ANK3: variants seen among roughly 807,000 people sequenced by gnomAD.
ANK3 encodes the protein ankyrin-3.
In ANK3, 57 loss-of-function variants were observed where a neutral mutation model predicts 370.9. The observed-to-expected ratio is 0.15, with a 90% confidence interval of 0.12 to 0.19. The LOEUF is 0.19. ANK3 is among the 10% of genes least tolerant of loss of function. The pLI is 1.00. For synonymous variants in ANK3, 1,929 were observed against 1,946.3 expected (o/e 0.99, Z 0.23); for missense variants, 4,439 against 5,302.1 (o/e 0.84, Z 5.06).
rs144201577 is a variant in ANK3, at chr10:60,578,089, T to C, written c.96+37097A>G. Among the ~76,000 whole-genome samples the C allele has an allele frequency of 7.2e-5, 11 of 152,364 alleles. No individual in the cohort carries two copies. In the East Asian group the frequency reaches 1.9e-3, roughly 27 times the overall value. ...TGGTTTTGATACACTAGATTCATTT[T>C]TGACAATGCATTGAACACTTCAACC... is the stretch of plus-strand genomic sequence containing the variant. On this transcript the variant is annotated intron_variant, in intron 2 of 43. Transcript: ENST00000373827.
rs1239976989 is a variant in ANK3, at chr10:60,063,272, A to T, written c.12452-18T>A. 2 of 1,598,166 alleles carry T rather than the reference A, an allele frequency of 1.3e-6. No individual in the cohort carries two copies. The highest frequency in any genetic ancestry group is 1.7e-6 in the Non-Finnish European group (2 of 1,173,688). ...GGCATCAGCTGAAAAGGAGAAAAAA[A>T]GGTTGAAAACCCAATTAAATTATGT... is the stretch of plus-strand genomic sequence containing the variant. On this transcript the variant is annotated intron_variant, in intron 39 of 43. Coordinates refer to ENST00000280772, the MANE Select transcript of ANK3 (RefSeq NM_020987.5).
At chr10:60,453,069 T>C (rs2064652444) in intron 2 of ANK3, among the ~76,000 whole-genome samples, 1 of 152,196 alleles carries the variant, frequency 6.6e-6, no homozygotes, top group South Asian at 2.1e-4. Flanking sequence ...AAATGATCTC[T>C]AGGGGAAGTT....
At chr10:60,197,274 G>C (rs2096601635) in intron 14 of ANK3, among the ~76,000 whole-genome samples, 1 of 152,132 alleles carries the variant, frequency 6.6e-6, no homozygotes, top group East Asian at 1.9e-4. Flanking sequence ...AATGACACAT[G>C]GACAAATATG....
At chr10:60,642,725 C>A (rs924906413) in intron 1 of ANK3, among the ~76,000 whole-genome samples, 3 of 151,886 alleles carry the variant, frequency 2.0e-5, no homozygotes, top group Non-Finnish European at 4.4e-5. Context: ...ACATGTATAC[C>A]TATGTAACTA....
intron 2 of ANK3, among the ~76,000 whole-genome samples, chr10:60,399,437 C>G (rs1239215908): frequency 6.6e-6 from 1 of 152,110 alleles, no homozygotes; most frequent in African/African-American, 2.4e-5. Context: ...AGGGAAGGGC[C>G]AGATGGTTTT....
chr10:60,665,191 G>C (rs543031937), intron 1 of ANK3, among the ~76,000 whole-genome samples: 1 of 151,838 alleles, frequency 6.6e-6, no homozygotes, highest in South Asian at 2.1e-4. Context: ...GAACACTGGG[G>C]GCACAAAACA....
chr10:60,211,925 A>G (rs7074339), intron 9 of ANK3, among the ~76,000 whole-genome samples: 1 of 150,818 alleles, frequency 6.6e-6, no homozygotes, highest in Non-Finnish European at 1.5e-5. Flanking sequence ...GAAAAAAAGG[A>G]AATCTGAGGA....
chr10:60,636,145 A>G (rs952139170), intron 1 of ANK3, among the ~76,000 whole-genome samples: 2 of 152,220 alleles, frequency 1.3e-5, no homozygotes, highest in African/African-American at 2.4e-5. Context: ...AATTTAAATC[A>G]TTACATAATA....
At chr10:60,413,840 GA>G (rs1229045290) in intron 2 of ANK3, among the ~76,000 whole-genome samples, 1 of 151,736 alleles carries the variant, frequency 6.6e-6, no homozygotes. Flanking sequence ...ACAAAAAAAT[GA>G]AAAAAATTAG....
Position 60,074,968 on chromosome 10 carries a change from T to G in ANK3, c.5913A>C (p.Lys1971Asn). 1 of 1,613,988 alleles carries G rather than the reference T, an allele frequency of 6.2e-7. No homozygotes were observed. The highest frequency in any genetic ancestry group is 8.5e-7 in the Non-Finnish European group (1 of 1,179,956). ...ILKKDVCVDN[K>N]GSPKSPKSDK... ...CACTCTTTGGTGATTTGGGTGATCC[T>G]TTATTATCTACACATACATCCTTTT... The change falls in exon 37 of 44, where the codon AAA (lysine) becomes AAC (asparagine). Residue 1971 changes from lysine (K) to asparagine (N), a missense_variant. Transcript: ENST00000280772.
At chr10:60,126,242 CAGAG>C (rs960718147) in intron 25 of ANK3, among the ~76,000 whole-genome samples, 3 of 152,190 alleles carry the variant, frequency 2.0e-5, no homozygotes, top group African/African-American at 4.8e-5. Flanking sequence ...GAAATCTACT[CAGAG>C]AGAGAACAGG....
At chr10:60,213,279 A>G (rs1015163463) in intron 9 of ANK3, 133 bp downstream of exon 9, 17 of 554,880 alleles carry the variant, frequency 3.1e-5, no homozygotes, top group Non-Finnish European at 3.1e-6. Flanking sequence ...CTGAGGTTCT[A>G]TAAAGATCTG....
chr10:60,727,825 T>C (rs1297611672), intron 1 of ANK3, among the ~76,000 whole-genome samples: 1 of 152,192 alleles, frequency 6.6e-6, no homozygotes, highest in Non-Finnish European at 1.5e-5. Context: ...GCCCTTTCCC[T>C]ACTTAAAAGT....
chr10:60,089,039 A>C (rs1330762301), intron 28 of ANK3, among the ~76,000 whole-genome samples: 1 of 152,198 alleles, frequency 6.6e-6, no homozygotes, highest in Non-Finnish European at 1.5e-5. Flanking sequence ...AAGAAAGTGA[A>C]TAAGAACTTA....
At chr10:60,031,988 G>A (rs920575941) in intron 43 of ANK3, among the ~76,000 whole-genome samples, 5 of 151,828 alleles carry the variant, frequency 3.3e-5, no homozygotes, top group African/African-American at 9.7e-5. Context: ...TGCAGAGGGT[G>A]GGCAAATCAG....
chr10:60,226,286 C>T (rs1262388521), intron 8 of ANK3, among the ~76,000 whole-genome samples: 1 of 106,960 alleles, frequency 9.3e-6, no homozygotes, highest in Non-Finnish European at 1.8e-5. Flanking sequence ...TGTATATATG[C>T]TATATTATAT....
intron 1 of ANK3, among the ~76,000 whole-genome samples, chr10:60,300,102 T>C (rs987636677): frequency 2.0e-5 from 3 of 152,118 alleles, no homozygotes; most frequent in Admixed American, 2.0e-4. Flanking sequence ...CACTCCAAAT[T>C]ACATCACAGG....
intron 9 of ANK3, among the ~76,000 whole-genome samples, chr10:60,210,595 G>A (rs2096837614): frequency 6.6e-6 from 1 of 152,184 alleles, no homozygotes; most frequent in Admixed American, 6.5e-5. Flanking sequence ...ATCAAACACA[G>A]CAGGTGTAAT....
rs759908871 is a variant in ANK3, at chr10:60,067,998, G to T, written c.12256C>A (p.Pro4086Thr). ...RSSRRTGPQS[P>T]CERTDIRMAI... ...ATCCTGATATCTGTCCGTTCACATGGACTCTGTGGACCTACGATTTACAAT... is the reference window on the plus strand; with the variant it reads ...ATCCTGATATCTGTCCGTTCACATGTACTCTGTGGACCTACGATTTACAAT... Residue 4086 changes from proline to threonine, a missense_variant, in exon 38 of 44, where the codon CCA becomes ACA. Transcript: ENST00000280772. The T allele has an allele frequency of 5.6e-6, 9 of 1,608,548 alleles. No individual in the cohort carries two copies. The highest frequency in any genetic ancestry group is 4.3e-6 in the Non-Finnish European group (5 of 1,175,602).
Sources: gnomAD v4.1 joint callset for allele counts (sites outside exome capture counted in the v4.1 genomes callset) on GRCh38, gnomAD v4.1.1 for gene constraint, MANE v1.5 for transcripts, NCBI Gene and HGNC (gene_info 2026-07-23, HGNC 2026-07-21) for gene names.